COG6: variants seen among roughly 807,000 people sequenced by gnomAD.
COG6 encodes conserved oligomeric Golgi complex subunit 6.
In COG6, 74 loss-of-function variants were observed where a neutral mutation model predicts 88.8. The observed-to-expected ratio is 0.83, with a 90% CI of 0.69 to 1.01. The LOEUF is 1.01. Ranked by LOEUF, COG6 falls within the 50% of genes least tolerant of loss-of-function variation. The pLI is 0.00. For synonymous variants in COG6, 286 were observed against 278.7 expected (o/e 1.03, Z -0.26); for missense variants, 800 against 797.9 (o/e 1.00, Z -0.03).
intron 12 of COG6, among the ~76,000 whole-genome samples, chr13:39,694,986 CA>C (rs1877192232): frequency 1.3e-5 from 2 of 150,564 alleles, no homozygotes; most frequent in African/African-American, 2.4e-5. Flanking sequence ...CACACACACA[CA>C]CACCCCTTAT....
chr13:39,754,475 A>T (rs1263052314), downstream of COG6, among the ~76,000 whole-genome samples: 2 of 152,188 alleles, frequency 1.3e-5, no homozygotes, highest in East Asian at 3.8e-4. Context: ...GAAACACAGG[A>T]TGTGTTGAAG....
chr13:39,748,904 T>C (rs1259892707), intron 18 of COG6, among the ~76,000 whole-genome samples: 2 of 152,168 alleles, frequency 1.3e-5, no homozygotes, highest in Non-Finnish European at 2.9e-5. Context: ...CCTTATTCCA[T>C]CCAACTATTT....
Position 39,660,200 on chromosome 13 carries a change from T to G in COG6, c.298-610T>G, listed in dbSNP as rs1874808972. Among the ~76,000 whole-genome samples the G allele has an allele frequency of 1.3e-5, 2 of 152,260 alleles. 1 individual carries two copies. Among genetic ancestry groups the G allele is most frequent in the South Asian group, 4.2e-4 (2 of 4,818 alleles). ...AAGGATTTTTTTAAAAAAAATTACA[T>G]TAGAGATGGACTCTTGCTATGTTGC... On this transcript the variant is annotated intron_variant, in intron 2 of 18. Coordinates refer to ENST00000455146, the MANE Select transcript of COG6 (RefSeq NM_020751.3).
chr13:39,775,950 A>G (rs550688730), intron 18 of COG6, among the ~76,000 whole-genome samples: 11 of 152,000 alleles, frequency 7.2e-5, no homozygotes, highest in Non-Finnish European at 1.6e-4. Context: ...CATATTTTTA[A>G]TAGAGATGGG....
chr13:39,738,367 T>A lies in COG6; in HGVS notation c.1826+10819T>A, dbSNP rs180744814. On this transcript the variant is annotated intron_variant, in intron 18 of 18. Transcript: ENST00000455146. ...TATCCATGAAATATATAATATTGAT[T>A]GGAGGTAGACTGTAAACCTTCCCAC... is the stretch of plus-strand genomic sequence containing the variant. Among the ~76,000 whole-genome samples, 5 of 152,292 alleles carry A rather than the reference T, an allele frequency of 3.3e-5. No individual in the cohort carries two copies. The East Asian group carries it at 7.7e-4, about 24-fold the overall frequency.
chr13:39,724,398 T>C, intron 16 of COG6, 110 bp from the exon 17 acceptor site: 1 of 777,932 alleles, frequency 1.3e-6, no homozygotes, highest in Non-Finnish European at 2.2e-6. Context: ...AGCTAAATGA[T>C]TTTCCAAATT....
rs985848051 is a variant in COG6, at chr13:39,695,970, T to G, written c.1166+1245T>G. Among the ~76,000 whole-genome samples the G allele has an allele frequency of 2.0e-5, 3 of 151,986 alleles. No homozygotes were observed. In the South Asian group the frequency reaches 6.2e-4, roughly 31 times the overall value. On this transcript the variant is annotated intron_variant, in intron 12 of 18. Transcript: ENST00000455146. ...TGGTAAAATAATTTTTAAAATTGTT[T>G]ATTTAATAATGTCCATGATGGGACT...
chr13:39,719,304 A>G lies in COG6; in HGVS notation c.1353A>G (p.Glu451=). The change falls in exon 14 of 19, where the codon GAA becomes GAG. Residue 451 remains glutamate (E), a synonymous_variant. Transcript: ENST00000455146. ...ALNQTLMLLR[E]VLASHDSSVV... ...ATCAGACACTCATGTTGCTGCGTGA[A>G]GTTTTAGCATCTCACGATTCTTCAG... The G allele has an allele frequency of 6.2e-7, 1 of 1,612,826 alleles. No individual in the cohort carries two copies. Among genetic ancestry groups the G allele is most frequent in the Non-Finnish European group, 8.5e-7 (1 of 1,179,162 alleles).
intron 18 of COG6, among the ~76,000 whole-genome samples, chr13:39,775,654 C>G (rs562507579): frequency 1.4e-4 from 21 of 152,158 alleles, no homozygotes; most frequent in Non-Finnish European, 2.5e-4. Context: ...TAATGTAGTT[C>G]TTTTTCATGT....
At chr13:39,711,226 T>C (rs987623361) in intron 13 of COG6, among the ~76,000 whole-genome samples, 5 of 152,298 alleles carry the variant, frequency 3.3e-5, no homozygotes, top group Admixed American at 2.6e-4. Context: ...GGATGCGTTA[T>C]GTAAACTTGA....
intron 13 of COG6, among the ~76,000 whole-genome samples, chr13:39,705,832 T>A (rs1290801838): frequency 6.6e-6 from 1 of 152,086 alleles, no homozygotes; most frequent in South Asian, 2.1e-4. Flanking sequence ...ACCTACTGAA[T>A]TGAATTATGC....
intron 13 of COG6, among the ~76,000 whole-genome samples, chr13:39,711,549 C>T (rs1183054595): frequency 6.6e-6 from 1 of 151,448 alleles, no homozygotes; most frequent in Non-Finnish European, 1.5e-5. Context: ...TTTAATCTGT[C>T]CCTACTTTAG....
At chr13:39,790,752 G>A (rs1285850463) in exon 19 of COG6, 1 of 151,926 alleles carries the variant, frequency 6.6e-6, no homozygotes, top group Non-Finnish European at 1.5e-5. Flanking sequence ...ATATTTTAAA[G>A]TCTTTGTTTA....
At chr13:39,774,942 G>A (rs537496576) in intron 18 of COG6, among the ~76,000 whole-genome samples, 32 of 152,200 alleles carry the variant, frequency 2.1e-4, no homozygotes, top group Non-Finnish European at 4.0e-4. Context: ...AGATAATTCC[G>A]AGAGATTGCA....
At chr13:39,702,293 C>G (rs542907595) in intron 13 of COG6, among the ~76,000 whole-genome samples, 1 of 152,012 alleles carries the variant, frequency 6.6e-6, no homozygotes, top group South Asian at 2.1e-4. Context: ...ATATGGAAAG[C>G]TTCCCAGTTT....
intron 11 of COG6, among the ~76,000 whole-genome samples, chr13:39,690,589 T>C (rs1430697580): frequency 6.6e-6 from 1 of 152,004 alleles, no homozygotes; most frequent in Non-Finnish European, 1.5e-5. Flanking sequence ...ATTTCATACA[T>C]AGAAATTGAA....
At chr13:39,728,170 T>G (rs1387422198) in intron 18 of COG6, among the ~76,000 whole-genome samples, 1 of 152,180 alleles carries the variant, frequency 6.6e-6, no homozygotes, top group Non-Finnish European at 1.5e-5. Flanking sequence ...GTAAGTGTTT[T>G]CTACATAACA....
At chr13:39,681,411 GGACATT>G (rs1876307250) in intron 7 of COG6, among the ~76,000 whole-genome samples, 1 of 152,040 alleles carries the variant, frequency 6.6e-6, no homozygotes. Context: ...TCAAAGGCAT[GGACATT>G]GACTCAAATT....
chr13:39,775,266 G>A (rs1447468086), intron 18 of COG6, among the ~76,000 whole-genome samples: 1 of 124,522 alleles, frequency 8.0e-6, no homozygotes, highest in Admixed American at 9.7e-5. Flanking sequence ...ATGATGTTGT[G>A]ACTCAAATAA....
Sources: allele counts gnomAD v4.1 joint callset (sites outside exome capture counted in the v4.1 genomes callset), GRCh38; gene constraint gnomAD v4.1.1; transcripts MANE v1.5; gene names NCBI Gene and HGNC (gene_info 2026-07-23, HGNC 2026-07-21).